The following ARHGAP8 variants were observed in gnomAD, a reference collection of about 807,000 sequenced individuals.
ARHGAP8 encodes the protein rho GTPase-activating protein 8.
Under a neutral mutation model 46.1 loss-of-function variants are expected in ARHGAP8, and 62 were observed. That is an observed-to-expected ratio of 1.34 (90% CI 1.10 to 1.66). The LOEUF (loss-of-function observed/expected upper bound fraction) is 1.66, where lower values mean the gene tolerates loss of function less well. Among genes scored for constraint, ARHGAP8 ranks in the 40% most tolerant of loss-of-function variants. The pLI, the probability that ARHGAP8 is intolerant of heterozygous loss-of-function variation, is 0.00. For missense variants in ARHGAP8, 923 were observed against 568.4 expected, an observed-to-expected ratio of 1.62 and a Z score of -6.34; for synonymous variants, 375 against 243.1, an observed-to-expected ratio of 1.54 and a Z score of -5.05.
At chr22:44,838,585 T>G (rs1931445818) in intron 7 of ARHGAP8, among the ~76,000 whole-genome samples, 1 of 152,174 alleles carries the variant, frequency 6.6e-6, no homozygotes, top group Admixed American at 6.5e-5. Context: ...GAGAGTCTAC[T>G]TTTAAAGGAC....
At chr22:44,821,848 C>T (rs1203350843) in intron 5 of ARHGAP8, among the ~76,000 whole-genome samples, 3 of 152,232 alleles carry the variant, frequency 2.0e-5, no homozygotes, top group Admixed American at 2.0e-4. Flanking sequence ...TGTGGCTGCG[C>T]TGCTCCCTGG....
rs565633378 is a variant in ARHGAP8, at chr22:44,808,343, C to G, written c.204C>G (p.Asn68Lys). 3 of 1,614,114 alleles carry G rather than the reference C, an allele frequency of 1.9e-6. No individual in the cohort carries two copies. The African/African-American group carries it at 4.0e-5, about 22-fold the overall frequency. Reference protein sequence around the residue: ...LKYTLDQYVENDYTIVYFHYG... With the variant: ...LKYTLDQYVEKDYTIVYFHYG... ...ACACACTGGACCAATACGTTGAGAA[C>G]GATTATACCATCGTCTATTTCCACT... The change falls in exon 4 of 12, where the codon AAC becomes AAG. Residue 68 changes from asparagine (N) to lysine (K), a missense_variant. Transcript: ENST00000356099.
At chr22:44,808,626 A>T in intron 4 of ARHGAP8, 188 bp downstream of exon 4, 1 of 1,112,098 alleles carries the variant, frequency 9.0e-7, no homozygotes, top group Non-Finnish European at 1.3e-6. Flanking sequence ...AATCCCGGGC[A>T]GGGGTTGGCA....
intron 11 of ARHGAP8, among the ~76,000 whole-genome samples, chr22:44,860,721 G>T (rs963733473): frequency 1.3e-5 from 2 of 151,736 alleles, no homozygotes; most frequent in Non-Finnish European, 1.5e-5. Context: ...TCCCCCTGGG[G>T]CAGGGATCCA....
At chr22:44,822,243 C>A in intron 5 of ARHGAP8, 128 bp from the exon 6 acceptor site, 3 of 754,570 alleles carry the variant, frequency 4.0e-6, no homozygotes, top group Non-Finnish European at 6.3e-6. Flanking sequence ...GTCGTGTCAG[C>A]GTTTACATTT....
intron 1 of ARHGAP8, among the ~76,000 whole-genome samples, chr22:44,753,332 G>T (rs527359172): frequency 3.3e-5 from 5 of 150,802 alleles, no homozygotes; most frequent in Non-Finnish European, 7.4e-5. Flanking sequence ...AGCGATTCTT[G>T]TGCCTCAGCC....
At chr22:44,861,031 T>C (rs994319887) in intron 11 of ARHGAP8, among the ~76,000 whole-genome samples, 1 of 152,216 alleles carries the variant, frequency 6.6e-6, no homozygotes, top group African/African-American at 2.4e-5. Context: ...TTTGAGACAG[T>C]CTTGCTCTGT....
intron 7 of ARHGAP8, among the ~76,000 whole-genome samples, chr22:44,832,182 A>T (rs1466664818): frequency 7.0e-6 from 1 of 142,684 alleles, no homozygotes; most frequent in African/African-American, 2.6e-5. Flanking sequence ...CTTTTTTGTT[A>T]AATTTTTTTT....
intron 1 of ARHGAP8, among the ~76,000 whole-genome samples, chr22:44,770,898 C>A (rs1329487841): frequency 2.0e-5 from 3 of 152,180 alleles, no homozygotes; most frequent in Non-Finnish European, 4.4e-5. Flanking sequence ...GGGCTATTAT[C>A]ATTTAAACTG....
At chr22:44,829,253 T>C (rs1602235785) in intron 7 of ARHGAP8, among the ~76,000 whole-genome samples, 2 of 147,998 alleles carry the variant, frequency 1.4e-5, no homozygotes, top group African/African-American at 2.5e-5. Flanking sequence ...ATTTTGCCAC[T>C]GCACTCCAGC....
chr22:44,800,265 G>A (rs544129648), intron 2 of ARHGAP8, among the ~76,000 whole-genome samples: 1 of 152,080 alleles, frequency 6.6e-6, no homozygotes, highest in South Asian at 2.1e-4. Flanking sequence ...CACCACGCCT[G>A]GCTAATTTTT....
chr22:44,840,757 A>G (rs1931598645), intron 7 of ARHGAP8, among the ~76,000 whole-genome samples: 1 of 152,084 alleles, frequency 6.6e-6, no homozygotes, highest in African/African-American at 2.4e-5. Context: ...CGTGATGAGG[A>G]TTCGGTGTAG....
rs543485438 is a variant in ARHGAP8, at chr22:44,862,760, T to C, written c.*165T>C. 6 of 845,400 alleles carry C rather than the reference T, an allele frequency of 7.1e-6. No individual in the cohort carries two copies. The East Asian group carries it at 1.6e-4, about 23-fold the overall frequency. 52.4% of individuals were successfully genotyped at this position (845,400 alleles called of 1,614,324 possible). ...TCCTTGGACTCTTGTCCATGGTTCC[T>C]GAGCTGTGGACCGGGATAGAATAAT... On this transcript the variant is annotated 3_prime_UTR_variant, in exon 12 of 12. Transcript: ENST00000356099.
intron 7 of ARHGAP8, among the ~76,000 whole-genome samples, chr22:44,831,570 G>A (rs1166819470): frequency 6.6e-6 from 1 of 152,082 alleles, no homozygotes. Context: ...ATGGTGGCAG[G>A]CACCTGTAAT....
intron 7 of ARHGAP8, among the ~76,000 whole-genome samples, chr22:44,830,412 A>T (rs1371395106): frequency 6.6e-6 from 1 of 150,668 alleles, no homozygotes; most frequent in Non-Finnish European, 1.5e-5. Context: ...GCTCACTGCA[A>T]CCTCTGCCTT....
chr22:44,841,893 GAC>G (rs1381166626), intron 7 of ARHGAP8, among the ~76,000 whole-genome samples: 2 of 152,212 alleles, frequency 1.3e-5, no homozygotes, highest in African/African-American at 2.4e-5. Context: ...AAATGAAGGT[GAC>G]ACAGAGAGGA....
chr22:44,824,672 G>A (rs531343922), intron 6 of ARHGAP8, among the ~76,000 whole-genome samples: 56 of 140,002 alleles, frequency 4.0e-4, no homozygotes, highest in Non-Finnish European at 7.3e-4. Flanking sequence ...TTGCTCTATC[G>A]CCCAGGCTGG....
intron 7 of ARHGAP8, among the ~76,000 whole-genome samples, chr22:44,826,168 T>C (rs1038337499): frequency 2.0e-5 from 3 of 152,034 alleles, no homozygotes; most frequent in South Asian, 2.1e-4. Context: ...CTGCCTCTCA[T>C]GGTGATGTAT....
intron 10 of ARHGAP8, among the ~76,000 whole-genome samples, chr22:44,851,573 C>G (rs761927893): frequency 2.0e-4 from 30 of 152,196 alleles, no homozygotes; most frequent in South Asian, 6.2e-4. Context: ...GCCTGTAATC[C>G]CAGCACTTTG....
Sources: allele counts gnomAD v4.1 joint callset (sites outside exome capture counted in the v4.1 genomes callset), GRCh38; gene constraint gnomAD v4.1.1; transcripts MANE v1.5; gene names NCBI Gene and HGNC (gene_info 2026-07-23, HGNC 2026-07-21).